The following DLG2 variants were observed in gnomAD, a reference collection of about 807,000 sequenced individuals.
The protein encoded by DLG2 is discs large MAGUK scaffold protein 2.
In DLG2, 45 loss-of-function variants were observed where a neutral mutation model predicts 132.5. The ratio of observed to expected loss-of-function variants is 0.34; its 90% CI spans 0.27 to 0.44. The LOEUF (loss-of-function observed/expected upper bound fraction) is 0.44. Ranked by LOEUF, DLG2 falls within the 20% of genes least tolerant of loss-of-function variation. The pLI is 1.00. For synonymous variants in DLG2, 424 were observed against 419.6 expected, an observed-to-expected ratio of 1.01 and a Z score of -0.13; for missense variants, 1,045 against 1,196.9, an observed-to-expected ratio of 0.87 and a Z score of 1.87.
In DLG2 at chr11:83,832,012, T is replaced by C. The variant is rs2054678388; in HGVS notation, c.1722+1602A>G. On this transcript the variant is annotated intron_variant, in intron 17 of 27. Coordinates refer to ENST00000376104, the MANE Select transcript of DLG2 (RefSeq NM_001142699.3). ...GGGATATGGTAGGTGTAATGGGCAT[T>C]AAAATGGAATACTTAAATCCCAGCT... Among the ~76,000 whole-genome samples, 5 of 152,128 alleles carry C rather than the reference T, an allele frequency of 3.3e-5. No individual in the cohort carries two copies. In the South Asian group the frequency reaches 1.0e-3, roughly 32 times the overall value.
intron 3 of DLG2, among the ~76,000 whole-genome samples, chr11:85,490,617 C>T (rs879668045): frequency 3.3e-5 from 5 of 151,936 alleles, no homozygotes; most frequent in Non-Finnish European, 5.9e-5. Context: ...GGAGACATTA[C>T]CAGTCATACC....
intron 6 of DLG2, among the ~76,000 whole-genome samples, chr11:84,918,416 G>A (rs2092596610): frequency 6.6e-6 from 1 of 152,098 alleles, no homozygotes; most frequent in Admixed American, 6.6e-5. Flanking sequence ...GATAGATATA[G>A]ACACCCTGTA....
chr11:83,884,383 GC>G (rs910278079), intron 15 of DLG2, among the ~76,000 whole-genome samples: 370 of 152,338 alleles, frequency 2.4e-3, no homozygotes, highest in African/African-American at 8.5e-3. Context: ...CGGCAGCGAG[GC>G]TAGGGGGAGG....
intron 6 of DLG2, among the ~76,000 whole-genome samples, chr11:84,663,742 A>C (rs1403420329): frequency 6.6e-6 from 1 of 152,180 alleles, no homozygotes; most frequent in African/African-American, 2.4e-5. Context: ...ACCTGTTTGT[A>C]GGCCCCTTAT....
intron 3 of DLG2, among the ~76,000 whole-genome samples, chr11:85,359,742 G>A (rs991097779): frequency 3.3e-5 from 5 of 152,084 alleles, no homozygotes; most frequent in Admixed American, 2.0e-4. Flanking sequence ...GCGCAACAAC[G>A]TGAACAAAAC....
intron 7 of DLG2, among the ~76,000 whole-genome samples, chr11:84,476,962 T>G (rs1230627723): frequency 6.6e-6 from 1 of 152,042 alleles, no homozygotes; most frequent in Admixed American, 6.6e-5. Context: ...ACACTAAGAT[T>G]TGGGGAAATA....
At chr11:85,550,176 G>A (rs659492) in intron 3 of DLG2, among the ~76,000 whole-genome samples, 1 of 152,196 alleles carries the variant, frequency 6.6e-6, no homozygotes, top group African/African-American at 2.4e-5. Flanking sequence ...CAAGAGCTCA[G>A]GAGCCACAAG....
chr11:84,343,851 A>G lies in DLG2; in HGVS notation c.520-92560T>C, dbSNP rs1254369204. ...TTCCTAATATAGACATTCATCAGTA[A>G]AAAATTGTCTTGAAATATTATTTCT... On this transcript the variant is annotated intron_variant, in intron 7 of 27. Transcript: ENST00000376104. Among the ~76,000 whole-genome samples, 4 of 152,320 alleles carry G rather than the reference A, an allele frequency of 2.6e-5. No homozygotes were observed. The East Asian group carries it at 5.8e-4, about 22-fold the overall frequency.
chr11:84,089,735 T>G (rs2097057438), intron 10 of DLG2, among the ~76,000 whole-genome samples: 1 of 152,058 alleles, frequency 6.6e-6, no homozygotes, highest in Non-Finnish European at 1.5e-5. Flanking sequence ...GAAAACTTCT[T>G]TTTTTTTATA....
intron 15 of DLG2, among the ~76,000 whole-genome samples, chr11:83,883,176 A>G (rs983572770): frequency 1.1e-4 from 17 of 152,170 alleles, no homozygotes; most frequent in African/African-American, 3.9e-4. Flanking sequence ...AACAGTTAAC[A>G]TATCGTGTTC....
At chr11:83,793,590 A>G (rs2153906742) in intron 17 of DLG2, among the ~76,000 whole-genome samples, 1 of 152,294 alleles carries the variant, frequency 6.6e-6, no homozygotes, top group East Asian at 1.9e-4. Context: ...AAAAATGGGA[A>G]GGAACAAAGG....
At chr11:84,884,833 A>G (rs1232256562) in intron 6 of DLG2, among the ~76,000 whole-genome samples, 1 of 152,084 alleles carries the variant, frequency 6.6e-6, no homozygotes, top group African/African-American at 2.4e-5. Context: ...ACAATAAACA[A>G]TTCATCAGTT....
chr11:84,010,213 A>G (rs1446495197), intron 11 of DLG2, among the ~76,000 whole-genome samples: 1 of 152,006 alleles, frequency 6.6e-6, no homozygotes, highest in Non-Finnish European at 1.5e-5. Context: ...CTATATAAAG[A>G]TTTCTGAGAA....
chr11:84,359,829 C>T (rs571522128), intron 7 of DLG2, among the ~76,000 whole-genome samples: 1 of 151,952 alleles, frequency 6.6e-6, no homozygotes, highest in Admixed American at 6.6e-5. Context: ...ACAGATTATC[C>T]TATTATGCTT....
chr11:84,461,883 T>C (rs532175305), intron 7 of DLG2, among the ~76,000 whole-genome samples: 1 of 150,844 alleles, frequency 6.6e-6, no homozygotes, highest in East Asian at 2.0e-4. Context: ...GGCACAACAC[T>C]TGCCACATAG....
chr11:84,822,256 T>C (rs1320886135), intron 6 of DLG2, among the ~76,000 whole-genome samples: 1 of 151,880 alleles, frequency 6.6e-6, no homozygotes, highest in South Asian at 2.1e-4. Context: ...CTCCTCCTAC[T>C]CCCAGTTGCA....
chr11:85,264,668 C>T (rs1459248380), intron 4 of DLG2, among the ~76,000 whole-genome samples: 2 of 152,038 alleles, frequency 1.3e-5, no homozygotes, highest in East Asian at 1.9e-4. Flanking sequence ...ATAACAGCAC[C>T]GTATCCACAT....
At chr11:83,779,490 T>C (rs1395037362) in intron 18 of DLG2, among the ~76,000 whole-genome samples, 2 of 152,108 alleles carry the variant, frequency 1.3e-5, no homozygotes, top group Admixed American at 1.3e-4. Flanking sequence ...CCTCAGAAAT[T>C]TTTTGACCCC....
intron 19 of DLG2, among the ~76,000 whole-genome samples, chr11:83,611,996 T>C (rs565719603): frequency 6.6e-5 from 10 of 152,342 alleles, no homozygotes; most frequent in African/African-American, 2.2e-4. Context: ...AAGTCTTATA[T>C]ACTTGACCTT....
Sources: gnomAD v4.1 joint callset for allele counts (sites outside exome capture counted in the v4.1 genomes callset) on GRCh38, gnomAD v4.1.1 for gene constraint, MANE v1.5 for transcripts, NCBI Gene and HGNC (gene_info 2026-07-23, HGNC 2026-07-21) for gene names.